LARP4B: variants seen among roughly 807,000 people sequenced by gnomAD.
The protein encoded by LARP4B is la-related protein 4B.
Under a neutral mutation model 89.8 loss-of-function variants are expected in LARP4B, and 12 were observed. The observed-to-expected ratio is 0.13, with a 90% CI of 0.09 to 0.22. LARP4B has a LOEUF of 0.22. Ranked by LOEUF, LARP4B falls within the 10% of genes least tolerant of loss-of-function variation. LARP4B has a pLI of 1.00. For synonymous variants in LARP4B, 367 were observed against 363.3 expected (o/e 1.01, Z -0.12); for missense variants, 757 against 947.7 (o/e 0.80, Z 2.64).
At chr10:863,419 C>T (rs966600018) in intron 5 of LARP4B, among the ~76,000 whole-genome samples, 14 of 151,788 alleles carry the variant, frequency 9.2e-5, no homozygotes, top group Non-Finnish European at 1.9e-4. Context: ...TTAGTAGAGA[C>T]GGGGTTTTAC....
In LARP4B at chr10:812,942, G is replaced by A. The variant is rs771715315; in HGVS notation, c.2201C>T (p.Pro734Leu). The change falls in exon 18 of 18, where the codon CCC becomes CTC. Residue 734 changes from proline to leucine, a missense_variant. Around this residue, in one of 5 missense-constraint regions of LARP4B, gnomAD observed 387 missense variants for 423.6 expected, o/e 0.91. Coordinates refer to ENST00000316157, the MANE Select transcript of LARP4B (RefSeq NM_015155.3). The stretch of plus-strand genomic sequence containing the variant: ...GTACGGTTTTCACTGAGGAGACTTG[G>A]GGGGAGTGCTCTGCTCTCGGCTGAG... ...KRLSREQSTP[P>L]KSPQ is the part of the protein sequence containing the mutation. 7 of 1,547,896 alleles carry A rather than the reference G, an allele frequency of 4.5e-6. No individual in the cohort carries two copies. The African/African-American group carries it at 5.6e-5, about 12-fold the overall frequency.
intron 8 of LARP4B, among the ~76,000 whole-genome samples, chr10:834,987 C>G (rs904301927): frequency 2.0e-5 from 3 of 150,728 alleles, no homozygotes; most frequent in Non-Finnish European, 3.0e-5. Flanking sequence ...TTGCAGTGAG[C>G]CGAGATCGTG....
chr10:820,945 A>T, intron 13 of LARP4B, 100 bp from the exon 14 acceptor site: 1 of 995,668 alleles, frequency 1.0e-6, no homozygotes, highest in Non-Finnish European at 1.5e-6. Context: ...ACATCAATTC[A>T]GTCTTTATCA....
At chr10:930,022 A>G (rs1409648434) in intron 1 of LARP4B, among the ~76,000 whole-genome samples, 1 of 152,082 alleles carries the variant, frequency 6.6e-6, no homozygotes, top group African/African-American at 2.4e-5. Context: ...AGCCACAACG[A>G]TTTCAACTTC....
the LARP4B span, among the ~76,000 whole-genome samples, chr10:983,919 A>C: frequency 6.6e-6 from 1 of 152,242 alleles, no homozygotes; most frequent in Non-Finnish European, 1.5e-5. Flanking sequence ...TTGTGAGGAA[A>C]TAATATGTTT....
At chr10:954,595 G>A in the LARP4B span, among the ~76,000 whole-genome samples, 28 of 152,254 alleles carry the variant, frequency 1.8e-4, no homozygotes, top group Non-Finnish European at 3.2e-4. This position sits in a 1 kb window ranked among gnomAD's most constrained non-coding sequence, Gnocchi z 5.0. Context: ...CTGCTGCGTG[G>A]AGTCACGGGA....
the LARP4B span, among the ~76,000 whole-genome samples, chr10:964,309 C>T: frequency 6.6e-6 from 1 of 152,350 alleles, no homozygotes. Context: ...TCGTGATCTG[C>T]CCGCCTCGGC....
At chr10:888,805 G>A (rs777748772) in intron 1 of LARP4B, among the ~76,000 whole-genome samples, 4 of 152,206 alleles carry the variant, frequency 2.6e-5, no homozygotes, top group South Asian at 2.1e-4. Flanking sequence ...AGAATATTAC[G>A]GCAGGGCGCA....
chr10:885,333 G>A lies in LARP4B; in HGVS notation c.81+308C>T, dbSNP rs74118460. Among the ~76,000 whole-genome samples, 475 of 150,892 alleles carry A rather than the reference G, an allele frequency of 3.1e-3. 5 individuals carry two copies. Among genetic ancestry groups the A allele is most frequent in the African/African-American group, 0.011 (460 of 41,170 alleles). Reference sequence around the variant, plus strand: ...ACTGTCAACATCTGCATTAGACTTCGCAAAAAAAAAATACAGTTTTCCCTG... The same window carrying A: ...ACTGTCAACATCTGCATTAGACTTCACAAAAAAAAAATACAGTTTTCCCTG... On this transcript the variant is annotated intron_variant, in intron 2 of 17. Transcript: ENST00000316157.
Position 865,959 on chromosome 10 carries a change from T to C in LARP4B, c.142-1689A>G, listed in dbSNP as rs146611227. Among the ~76,000 whole-genome samples, 872 of 152,264 alleles carry C rather than the reference T, an allele frequency of 5.7e-3. 6 individuals carry two copies. Among genetic ancestry groups the C allele is most frequent in the African/African-American group, 0.02 (817 of 41,552 alleles). Reference sequence around the variant, plus strand: ...GCGGCCCAGAACACAGGAGAAGGGCTGGAAAGGACCACCATGAGCCGTCAA... The same window carrying C: ...GCGGCCCAGAACACAGGAGAAGGGCCGGAAAGGACCACCATGAGCCGTCAA... On this transcript the variant is annotated intron_variant, in intron 3 of 17. Transcript: ENST00000316157.
Position 829,792 on chromosome 10 carries a change from C to T in LARP4B, c.862-58G>A, listed in dbSNP as rs1393519221. The T allele has an allele frequency of 4.4e-6, 5 of 1,148,330 alleles. No homozygotes were observed. The East Asian group carries it at 9.4e-5, about 22-fold the overall frequency. 71.1% of individuals were successfully genotyped at this position (1,148,330 alleles called of 1,614,324 possible). A position where few individuals can be genotyped will look rare whatever the true frequency, so the allele number is the denominator to read the frequency against. ...GATTAACCTTATGAATAAGAGGCAC[C>T]AATAGTTCACTCAATAGCTCAAATA... On this transcript the variant is annotated intron_variant, in intron 9 of 17. Coordinates refer to ENST00000316157, the MANE Select transcript of LARP4B (RefSeq NM_015155.3).
chr10:822,413 C>T lies in LARP4B; in HGVS notation c.1485-1568G>A, dbSNP rs1832401543. ...GTCACTACCGGCTGGGACGCAGGGG[C>T]ACCCATCCCTTGGAACACAGCGGTG... On this transcript the variant is annotated intron_variant, in intron 13 of 17. Coordinates refer to ENST00000316157, the MANE Select transcript of LARP4B (RefSeq NM_015155.3). This position sits in a 1 kb window ranked among gnomAD's most constrained non-coding sequence, Gnocchi z 4.6. Among the ~76,000 whole-genome samples the T allele has an allele frequency of 6.6e-6, 1 of 152,212 alleles. No individual in the cohort carries two copies. The highest frequency in any genetic ancestry group is 2.4e-5 in the African/African-American group (1 of 41,454).
At chr10:881,354 C>T (rs1835659715) in intron 3 of LARP4B, among the ~76,000 whole-genome samples, 1 of 152,230 alleles carries the variant, frequency 6.6e-6, no homozygotes, top group Admixed American at 6.5e-5. Context: ...TCCTGTCTCT[C>T]ACCCACTGCA....
the LARP4B span, chr10:972,444 T>G: frequency 2.3e-6 from 1 of 442,654 alleles, no homozygotes; most frequent in Non-Finnish European, 4.5e-6. Flanking sequence ...CTATTCCTTA[T>G]GTATTACCCA....
chr10:807,007 CCA>C (rs1219836752), downstream of LARP4B: 2 of 152,298 alleles, frequency 1.3e-5, no homozygotes, highest in Non-Finnish European at 2.9e-5. Flanking sequence ...TCCGTGCTGT[CCA>C]CAGACAACTC....
chr10:807,398 G>C (rs987860082), downstream of LARP4B: 3 of 152,316 alleles, frequency 2.0e-5, no homozygotes, highest in Non-Finnish European at 2.9e-5. Context: ...GGAAATCCTG[G>C]TCGTGAATGA....
the LARP4B span, among the ~76,000 whole-genome samples, chr10:973,872 T>C: frequency 6.6e-6 from 1 of 152,174 alleles, no homozygotes; most frequent in East Asian, 1.9e-4. Flanking sequence ...GTGCATTCTC[T>C]CAGGATTTCT....
intron 1 of LARP4B, among the ~76,000 whole-genome samples, chr10:907,146 A>G (rs554321167): frequency 6.6e-6 from 1 of 152,338 alleles, no homozygotes; most frequent in East Asian, 1.9e-4. Flanking sequence ...ACTCCAACAC[A>G]AAAGTTTTAT....
At chr10:924,327 G>A (rs747826490) in intron 1 of LARP4B, 9 of 152,172 alleles carry the variant, frequency 5.9e-5, no homozygotes, top group Non-Finnish European at 1.3e-4. Flanking sequence ...TTAGACTGGG[G>A]CTTGGCCTTT....
Sources: gnomAD v4.1 joint callset for allele counts (sites outside exome capture counted in the v4.1 genomes callset) on GRCh38, gnomAD v4.1.1 for gene constraint, gnomAD v4.1.1 regional missense constraint, Gnocchi (gnomAD v3.1) non-coding constraint, MANE v1.5 for transcripts, NCBI Gene and HGNC (gene_info 2026-07-23, HGNC 2026-07-21) for gene names.